NRG3: variants seen among roughly 807,000 people sequenced by gnomAD.
The protein encoded by NRG3 is neuregulin 3, also known as pro-neuregulin-3, membrane-bound isoform.
A neutral mutation model predicts 66.9 loss-of-function variants in NRG3; 31 were observed. That is an observed-to-expected ratio of 0.46 (90% CI 0.35 to 0.63). NRG3 has a LOEUF of 0.63. Among genes scored for constraint, NRG3 ranks in the 20% least tolerant of loss-of-function variants. The pLI, the probability that NRG3 is intolerant of heterozygous loss-of-function variation, is 0.00. For missense variants in NRG3, 910 were observed against 878.9 expected (o/e 1.04, Z -0.45); for synonymous variants, 393 against 359.4 (o/e 1.09, Z -1.06).
chr10:82,660,746 ATTC>A (rs1372839798), intron 2 of NRG3, among the ~76,000 whole-genome samples: 1 of 152,104 alleles, frequency 6.6e-6, no homozygotes, highest in Non-Finnish European at 1.5e-5. Context: ...AGTGCTCTCC[ATTC>A]TTTTTCTGTC....
At chr10:82,712,027 ATCT>A (rs1263912523) in intron 2 of NRG3, among the ~76,000 whole-genome samples, 8 of 152,210 alleles carry the variant, frequency 5.3e-5, no homozygotes, top group African/African-American at 1.7e-4. Context: ...ATTTATAGAA[ATCT>A]TCTTTTAGAG....
intron 1 of NRG3, among the ~76,000 whole-genome samples, chr10:82,198,926 G>A: frequency 6.6e-6 from 1 of 150,846 alleles, no homozygotes; most frequent in South Asian, 2.1e-4. Context: ...GAACCCGGGA[G>A]GCGGAGGTTG....
rs191352829 is a variant in NRG3, at chr10:82,657,174, C to A, written c.954-81403C>A. ...ACTCTCTCTGGCTCTTTATTTTTTACATAGCACCGATCACATTCTATATAA... is the reference window on the plus strand; with the variant it reads ...ACTCTCTCTGGCTCTTTATTTTTTAAATAGCACCGATCACATTCTATATAA... On this transcript the variant is annotated intron_variant, in intron 2 of 8. Transcript: ENST00000372141. Among the ~76,000 whole-genome samples, 140 of 152,280 alleles carry A rather than the reference C, an allele frequency of 9.2e-4. 1 individual carries two copies. In the East Asian group the frequency reaches 0.019, roughly 21 times the overall value.
At chr10:82,273,197 GC>G (rs2078687290) in intron 1 of NRG3, among the ~76,000 whole-genome samples, 1 of 151,852 alleles carries the variant, frequency 6.6e-6, no homozygotes, top group Non-Finnish European at 1.5e-5. Context: ...AAATTGGCAT[GC>G]CTTTATGTTG....
intron 2 of NRG3, among the ~76,000 whole-genome samples, chr10:82,490,876 A>C (rs1322983393): frequency 1.3e-5 from 2 of 152,126 alleles, no homozygotes; most frequent in African/African-American, 4.8e-5. Flanking sequence ...AAAAAACTAA[A>C]TATTTAATGG....
chr10:82,685,586 T>G lies in NRG3; in HGVS notation c.954-52991T>G, dbSNP rs116507944. Among the ~76,000 whole-genome samples, 1,145 of 152,244 alleles carry G rather than the reference T, an allele frequency of 7.5e-3. 10 individuals carry two copies. Among genetic ancestry groups the G allele is most frequent in the African/African-American group, 0.026 (1,095 of 41,550 alleles). On this transcript the variant is annotated intron_variant, in intron 2 of 8. Coordinates refer to ENST00000372141, the MANE Select transcript of NRG3 (RefSeq NM_001010848.4). ...GTACAGTTAGGCTACACTACGTTTGTAAAAAAATATTTTTTCTTTAATTGT... is the reference window on the plus strand; with the variant it reads ...GTACAGTTAGGCTACACTACGTTTGGAAAAAAATATTTTTTCTTTAATTGT...
At chr10:82,517,670 CAT>C (rs1491422723) in intron 2 of NRG3, among the ~76,000 whole-genome samples, 13 of 89,206 alleles carry the variant, frequency 1.5e-4, no homozygotes, top group Non-Finnish European at 2.2e-4. Flanking sequence ...TGTGTGTGTG[CAT>C]GTGTGTGTGT....
At chr10:82,087,850 A>G (rs555012059) in intron 1 of NRG3, among the ~76,000 whole-genome samples, 10 of 152,316 alleles carry the variant, frequency 6.6e-5, no homozygotes, top group East Asian at 5.8e-4. Context: ...TCAGCCTATT[A>G]GCACATCCTA....
chr10:82,861,101 G>A (rs553216470), intron 3 of NRG3, among the ~76,000 whole-genome samples: 1 of 151,874 alleles, frequency 6.6e-6, no homozygotes, highest in Non-Finnish European at 1.5e-5. Flanking sequence ...AATGATCACG[G>A]TGTTTAACAT....
chr10:82,834,807 G>T (rs1357516080), intron 3 of NRG3, among the ~76,000 whole-genome samples: 3 of 152,046 alleles, frequency 2.0e-5, no homozygotes, highest in Non-Finnish European at 4.4e-5. Flanking sequence ...CCTGTGATTG[G>T]CCTGGTCATT....
intron 1 of NRG3, among the ~76,000 whole-genome samples, chr10:81,980,463 C>G (rs1372378245): frequency 6.6e-6 from 1 of 151,990 alleles, no homozygotes; most frequent in Non-Finnish European, 1.5e-5. Context: ...AATGATTTAC[C>G]AACTACTTCC....
intron 1 of NRG3, among the ~76,000 whole-genome samples, chr10:82,269,657 C>T (rs771925533): frequency 7.2e-5 from 11 of 152,116 alleles, no homozygotes; most frequent in African/African-American, 1.2e-4. Flanking sequence ...GTAGATTGAA[C>T]CAGCTGTAAA....
chr10:82,074,357 G>A (rs2064974584), intron 1 of NRG3, among the ~76,000 whole-genome samples: 1 of 152,074 alleles, frequency 6.6e-6, no homozygotes, highest in South Asian at 2.1e-4. Flanking sequence ...AGAGGAAGGT[G>A]GGATAGTAGA....
intron 1 of NRG3, among the ~76,000 whole-genome samples, chr10:82,050,631 G>T (rs1216770227): frequency 6.6e-6 from 1 of 151,934 alleles, no homozygotes. Flanking sequence ...TTTTTATTGG[G>T]AGTGTAAATT....
At chr10:82,346,414 C>A (rs1178185295) in intron 1 of NRG3, among the ~76,000 whole-genome samples, 2 of 139,316 alleles carry the variant, frequency 1.4e-5, no homozygotes, top group Non-Finnish European at 3.0e-5. Flanking sequence ...AGGGATGAAG[C>A]CCACTTGATC....
chr10:82,028,946 C>T (rs1029775142), intron 1 of NRG3, among the ~76,000 whole-genome samples: 14 of 152,086 alleles, frequency 9.2e-5, no homozygotes, highest in African/African-American at 3.1e-4. Flanking sequence ...CGGTGGCTCA[C>T]ACCTGTAATC....
At position 82,074,980 on chromosome 10, in the gene NRG3, C is replaced by T. The variant is rs142993514; in HGVS notation, c.823+198817C>T. On this transcript the variant is annotated intron_variant, in intron 1 of 8. Transcript: ENST00000372141. Reference sequence around the variant, plus strand: ...ATCCTCAAAAGCAGTGGGTCTCCATCACTTTTTTTGTGCTCGGCATCATAC... The same window carrying T: ...ATCCTCAAAAGCAGTGGGTCTCCATTACTTTTTTTGTGCTCGGCATCATAC... Among the ~76,000 whole-genome samples, 145 of 152,302 alleles carry T rather than the reference C, an allele frequency of 9.5e-4. 1 individual carries two copies. The highest frequency in any genetic ancestry group is 3.4e-3 in the Middle Eastern group (1 of 294).
intron 2 of NRG3, among the ~76,000 whole-genome samples, chr10:82,396,231 C>A (rs1022397199): frequency 2.0e-5 from 3 of 152,156 alleles, no homozygotes; most frequent in Non-Finnish European, 4.4e-5. Flanking sequence ...GCCTCTGGAA[C>A]ATTTTTTTTC....
Position 81,899,621 on chromosome 10 carries a change from G to C in NRG3, c.823+23458G>C, listed in dbSNP as rs183886798. Among the ~76,000 whole-genome samples, 175 of 152,298 alleles carry C rather than the reference G, an allele frequency of 1.1e-3. 1 individual carries two copies. The highest frequency in any genetic ancestry group is 0.01 in the Middle Eastern group (3 of 294). On this transcript the variant is annotated intron_variant, in intron 1 of 8. Coordinates refer to ENST00000372141, the MANE Select transcript of NRG3 (RefSeq NM_001010848.4). ...CTGGAGAGTGTGTGTGTTCTGACCT[G>C]TACTTACTCTCTTTCAATGGGACCT...
Sources: allele counts gnomAD v4.1 joint callset (sites outside exome capture counted in the v4.1 genomes callset), GRCh38; gene constraint gnomAD v4.1.1; transcripts MANE v1.5; gene names NCBI Gene and HGNC (gene_info 2026-07-23, HGNC 2026-07-21).